The following KLKB1 variants were observed in gnomAD, a reference collection of about 807,000 sequenced individuals.
KLKB1 encodes kallikrein B1, also known as plasma kallikrein.
A neutral mutation model predicts 73.6 loss-of-function variants in KLKB1; 58 were observed. That is an observed-to-expected ratio of 0.79 (90% CI 0.64 to 0.98). The LOEUF (loss-of-function observed/expected upper bound fraction) is 0.98. Among genes scored for constraint, KLKB1 ranks in the 50% least tolerant of loss-of-function variants. The pLI, the probability that KLKB1 is intolerant of heterozygous loss-of-function variation, is 0.00. For synonymous variants in KLKB1, 280 were observed against 258.1 expected, an observed-to-expected ratio of 1.08 and a Z score of -0.81; for missense variants, 737 against 763.8, an observed-to-expected ratio of 0.96 and a Z score of 0.41.
intron 6 of KLKB1, among the ~76,000 whole-genome samples, chr4:186,240,256 C>T (rs1737953832): frequency 6.6e-6 from 1 of 150,920 alleles, no homozygotes; most frequent in Admixed American, 6.6e-5. Flanking sequence ...GATGTAGTTA[C>T]AGTGATATAG....
At chr4:186,247,131 G>A (rs531724168) in intron 6 of KLKB1, among the ~76,000 whole-genome samples, 2 of 152,276 alleles carry the variant, frequency 1.3e-5, no homozygotes, top group Admixed American at 6.5e-5. Flanking sequence ...GAGGTCATGG[G>A]TGGATCTTTC....
At chr4:186,256,793 A>C (rs1040841539) in intron 13 of KLKB1, among the ~76,000 whole-genome samples, 1 of 152,182 alleles carries the variant, frequency 6.6e-6, no homozygotes, top group African/African-American at 2.4e-5. Context: ...AAAAGTGAGA[A>C]CTTCCAGGCT....
chr4:186,229,191 G>T (rs965177288), intron 2 of KLKB1, among the ~76,000 whole-genome samples: 2 of 152,100 alleles, frequency 1.3e-5, no homozygotes, highest in African/African-American at 2.4e-5. Flanking sequence ...ACTACAGGGG[G>T]TTTTTCATTT....
intron 2 of KLKB1, among the ~76,000 whole-genome samples, chr4:186,229,722 G>A (rs1028318637): frequency 2.6e-5 from 4 of 152,156 alleles, no homozygotes; most frequent in African/African-American, 9.7e-5. Context: ...ACAGGCTTCT[G>A]TTGCTTTGCA....
intron 4 of KLKB1, among the ~76,000 whole-genome samples, chr4:186,236,101 GA>G: frequency 8.3e-6 from 1 of 120,480 alleles, no homozygotes; most frequent in East Asian, 2.4e-4. Context: ...GCGACAGAGC[GA>G]GACTCCGTCT....
At position 186,252,139 on chromosome 4, in the gene KLKB1, C is replaced by T. The variant is rs144683471; in HGVS notation, c.1267C>T (p.Leu423Phe). The change falls in exon 11 of 15, where the codon CTC becomes TTC. Residue 423 changes from leucine (L) to phenylalanine (F), a missense_variant. Physicochemically the swap from Leu to Phe is conservative, Grantham distance 22. Coordinates refer to ENST00000264690, the MANE Select transcript of KLKB1 (RefSeq NM_000892.5). ...TCAGAGGCACCTGTGTGGAGGGTCA[C>T]TCATAGGACACCAGTGGGTCCTCAC... ...TAQRHLCGGS[L>F]IGHQWVLTAA... The T allele has an allele frequency of 2.5e-6, 4 of 1,613,830 alleles. No individual in the cohort carries two copies. The highest frequency in any genetic ancestry group is 2.7e-5 in the African/African-American group (2 of 74,928).
upstream of KLKB1, among the ~76,000 whole-genome samples, chr4:186,225,313 T>A (rs545485213): frequency 1.8e-4 from 28 of 152,292 alleles, no homozygotes; most frequent in African/African-American, 6.0e-4. Flanking sequence ...TTGGCCTACA[T>A]GATTTCTGCT....
At chr4:186,235,981 G>A (rs888288095) in intron 4 of KLKB1, among the ~76,000 whole-genome samples, 2 of 151,924 alleles carry the variant, frequency 1.3e-5, no homozygotes, top group Admixed American at 1.3e-4. Context: ...GGGCGTGGTG[G>A]CGCGCGCCTG....
intron 2 of KLKB1, among the ~76,000 whole-genome samples, chr4:186,217,098 C>A (rs1736923051): frequency 6.6e-6 from 1 of 152,162 alleles, no homozygotes; most frequent in Non-Finnish European, 1.5e-5. Context: ...ATTTGGTTCA[C>A]CTGAATCTAC....
At chr4:186,250,107 G>C (rs1292983699) in intron 6 of KLKB1, 136 bp from the exon 7 acceptor site, 1 of 966,964 alleles carries the variant, frequency 1.0e-6, no homozygotes, top group Admixed American at 1.8e-5. Context: ...ATACTTTAAA[G>C]GACATTTTTT....
upstream of KLKB1, among the ~76,000 whole-genome samples, chr4:186,222,515 G>A (rs1313429856): frequency 6.6e-6 from 1 of 152,028 alleles, no homozygotes. Flanking sequence ...TAACAACTTT[G>A]ACTGCATTTA....
At chr4:186,257,433 A>C (rs1739062391) in intron 14 of KLKB1, 68 bp downstream of exon 14, 3 of 1,424,028 alleles carry the variant, frequency 2.1e-6, no homozygotes, top group East Asian at 2.5e-5. Context: ...TATATTTTCC[A>C]ATAGCATAAT....
chr4:186,258,188 A>G lies in KLKB1; in HGVS notation c.1893A>G (p.Lys631=). 1 of 1,614,148 alleles carries G rather than the reference A, an allele frequency of 6.2e-7. No homozygotes were observed. Among genetic ancestry groups the G allele is most frequent in the Non-Finnish European group, 8.5e-7 (1 of 1,180,012 alleles). Reference sequence around the variant, plus strand: ...AGAAAACACAGAGCAGTGATGGAAAAGCTCAGATGCAGTCACCAGCATGAG... The same window carrying G: ...AGAAAACACAGAGCAGTGATGGAAAGGCTCAGATGCAGTCACCAGCATGAG... The part of the protein sequence containing the change: ...ILEKTQSSDG[K]AQMQSPA The change falls in exon 15 of 15, where the codon AAA becomes AAG. Residue 631 remains lysine (K), a synonymous_variant. Transcript: ENST00000264690.
At position 186,236,804 on chromosome 4, in the gene KLKB1, G is replaced by A; in HGVS notation, c.352G>A (p.Gly118Arg). 2 of 1,613,934 alleles carry A rather than the reference G, an allele frequency of 1.2e-6. No individual in the cohort carries two copies. Among genetic ancestry groups the A allele is most frequent in the Non-Finnish European group, 1.7e-6 (2 of 1,179,920 alleles). The change falls in exon 5 of 15, where the codon GGA becomes AGA. Residue 118 changes from glycine (G) to arginine (R), a missense_variant. By Grantham distance (125) the Gly-to-Arg change is moderately radical (BLOSUM62 -2). Transcript: ENST00000264690. The stretch of plus-strand genomic sequence containing the variant: ...AGCTTGCCATCGAGACATTTATAAA[G>A]GAGTTGATATGAGAGGAGTCAATTT... The part of the protein sequence containing the change: ...ISACHRDIYK[G>R]VDMRGVNFNV...
chr4:186,250,118 C>A, intron 6 of KLKB1, 125 bp from the exon 7 acceptor site: 1 of 1,024,308 alleles, frequency 9.8e-7, no homozygotes, highest in Non-Finnish European at 1.5e-6. Context: ...GACATTTTTT[C>A]ACTTAGGATG....
In KLKB1 at chr4:186,245,801, AGTTTTTTTTTGTTTGTTTTTTG is replaced by A. The variant is rs1738298682; in HGVS notation, c.599-4431_599-4410del. Among the ~76,000 whole-genome samples, 3 of 57,788 alleles carry A rather than the reference AGTTTTTTTTTGTTTGTTTTTTG, an allele frequency of 5.2e-5. 1 individual carries two copies. Among genetic ancestry groups the A allele is most frequent in the Non-Finnish European group, 1.2e-4 (3 of 25,292 alleles). 37.9% of individuals were successfully genotyped at this position (57,788 alleles called of 152,430 possible). A position where few individuals can be genotyped will look rare whatever the true frequency, so the allele number is the denominator to read the frequency against. ...TTGAGGGCTGGAATCTAATTTTTGG[AGTTTTTTTTTGTTTGTTTTTTG>A]GTTTTTTTTTTTTAATGTCAGGAGC... is the stretch of plus-strand genomic sequence containing the variant. On this transcript the variant is annotated intron_variant, in intron 6 of 14. Coordinates refer to ENST00000264690, the MANE Select transcript of KLKB1 (RefSeq NM_000892.5).
At chr4:186,226,106 C>T (rs1255373387), upstream of KLKB1, among the ~76,000 whole-genome samples, 1 of 151,912 alleles carries the variant, frequency 6.6e-6, no homozygotes, top group African/African-American at 2.4e-5. Flanking sequence ...ATTTCTGTTT[C>T]ATTCTTTTTT....
At chr4:186,244,840 A>G (rs543618534) in intron 6 of KLKB1, among the ~76,000 whole-genome samples, 481 of 152,292 alleles carry the variant, frequency 3.2e-3, no homozygotes, top group African/African-American at 0.011. Context: ...CTTTTAAAGC[A>G]TGCTGTGGGA....
At chr4:186,211,309 C>G (rs1393099151) in intron 2 of KLKB1, 2 of 152,032 alleles carry the variant, frequency 1.3e-5, no homozygotes, top group African/African-American at 2.4e-5. Context: ...AATCAAAGTT[C>G]TAGAGTTTTT....
Sources: gnomAD v4.1 joint callset for allele counts (sites outside exome capture counted in the v4.1 genomes callset) on GRCh38, gnomAD v4.1.1 for gene constraint, MANE v1.5 for transcripts, NCBI Gene and HGNC (gene_info 2026-07-23, HGNC 2026-07-21) for gene names.